Variants in SLC9C2 observed in about 807,000 individuals in gnomAD.
The protein encoded by SLC9C2 is sodium/hydrogen exchanger 11.
In SLC9C2, 75 loss-of-function variants were observed where a neutral mutation model predicts 140.2. That is an observed-to-expected ratio of 0.53 (90% CI 0.44 to 0.65). The LOEUF (loss-of-function observed/expected upper bound fraction) is 0.65. Ranked by LOEUF, SLC9C2 falls within the 30% of genes least tolerant of loss-of-function variation. SLC9C2 has a pLI of 0.00. For synonymous variants in SLC9C2, 375 were observed against 420.9 expected (o/e 0.89, Z 1.34); for missense variants, 1,074 against 1,331.8 (o/e 0.81, Z 3.01).
chr1:173,578,835 T>C (rs1462146313), intron 7 of SLC9C2, among the ~76,000 whole-genome samples: 1 of 152,252 alleles, frequency 6.6e-6, no homozygotes, highest in Non-Finnish European at 1.5e-5. Flanking sequence ...ACAGTCATAC[T>C]GGATTAGGAC....
At chr1:173,597,812 G>T in intron 4 of SLC9C2, 92 bp downstream of exon 4, 3 of 1,237,018 alleles carry the variant, frequency 2.4e-6, no homozygotes, top group Middle Eastern at 4.1e-4. Flanking sequence ...ATGACATTTT[G>T]TGAATTATTA....
intron 6 of SLC9C2, 24 bp downstream of exon 6, chr1:173,583,482 T>G: frequency 7.7e-7 from 1 of 1,297,458 alleles, no homozygotes; most frequent in Non-Finnish European, 1.1e-6. Context: ...TTTTAGAAAA[T>G]ATACAGACAA....
chr1:173,597,836 G>C (rs1407292619), intron 4 of SLC9C2, 68 bp downstream of exon 4: 37 of 1,402,686 alleles, frequency 2.6e-5, no homozygotes, highest in Non-Finnish European at 3.4e-5. Context: ...ATCTATATAG[G>C]CAGCCATATT....
intron 26 of SLC9C2, among the ~76,000 whole-genome samples, chr1:173,504,356 G>C (rs1659481641): frequency 6.6e-6 from 1 of 152,126 alleles, no homozygotes; most frequent in Admixed American, 6.5e-5. Flanking sequence ...ATTGGCACTT[G>C]GCACAGTACC....
chr1:173,587,907 G>T, intron 4 of SLC9C2, 77 bp from the exon 5 acceptor site: 1 of 1,143,914 alleles, frequency 8.7e-7, no homozygotes, highest in Non-Finnish European at 1.2e-6. Context: ...TATCCTAAGA[G>T]TCAGATCTTG....
At chr1:173,593,726 C>T (rs79491808) in intron 4 of SLC9C2, among the ~76,000 whole-genome samples, 12,012 of 151,986 alleles carry the variant, frequency 0.079, 721 homozygotes, top group East Asian at 0.32. Flanking sequence ...GGGCTGTTAC[C>T]CTAATTTTAG....
At chr1:173,507,185 A>G (rs1207481394) in intron 24 of SLC9C2, 144 bp from the exon 25 acceptor site, 1 of 664,338 alleles carries the variant, frequency 1.5e-6, no homozygotes, top group Non-Finnish European at 2.5e-6. Context: ...GGATTTATTT[A>G]GCATTCAGAA....
At chr1:173,533,303 A>G (rs1243213056) in intron 17 of SLC9C2, among the ~76,000 whole-genome samples, 1 of 152,144 alleles carries the variant, frequency 6.6e-6, no homozygotes, top group Non-Finnish European at 1.5e-5. Flanking sequence ...CTGTCACCAG[A>G]GCCATCATTG....
intron 27 of SLC9C2, 35 bp downstream of exon 27, chr1:173,503,231 A>C (rs369555968): frequency 1.9e-6 from 3 of 1,579,002 alleles, no homozygotes; most frequent in African/African-American, 1.4e-5. Context: ...ATTTGCAATA[A>C]GAAAAAATTC....
intron 8 of SLC9C2, among the ~76,000 whole-genome samples, chr1:173,574,072 T>A (rs1251336476): frequency 2.6e-5 from 4 of 152,204 alleles, no homozygotes; most frequent in Admixed American, 6.5e-5. Context: ...GGCTGAGGCC[T>A]CAGTAGAGTA....
chr1:173,561,233 C>A (rs1484058228), intron 9 of SLC9C2, among the ~76,000 whole-genome samples: 1 of 152,070 alleles, frequency 6.6e-6, no homozygotes, highest in Non-Finnish European at 1.5e-5. Context: ...TCTCTGTGAA[C>A]CTTGAGACTT....
chr1:173,534,737 A>C (rs1040267575), intron 15 of SLC9C2, 55 bp from the exon 16 acceptor site: 2 of 1,283,216 alleles, frequency 1.6e-6, no homozygotes, highest in Non-Finnish European at 1.0e-6. Context: ...TTAGCAGCTG[A>C]AGTTCAATAT....
intron 15 of SLC9C2, 43 bp from the exon 16 acceptor site, chr1:173,534,725 A>T (rs10798285): frequency 7.5e-7 from 1 of 1,329,698 alleles, no homozygotes; most frequent in South Asian, 1.6e-5. Flanking sequence ...TTAAAAGTAT[A>T]ATTAGCAGCT....
intron 9 of SLC9C2, among the ~76,000 whole-genome samples, chr1:173,570,052 C>T (rs563093335): frequency 1.3e-5 from 2 of 152,232 alleles, no homozygotes; most frequent in South Asian, 2.1e-4. Context: ...TGGGACTCAC[C>T]CTTCAGGGCA....
At chr1:173,517,507 T>C (rs1179858861) in intron 23 of SLC9C2, 30 bp downstream of exon 23, 1 of 1,532,846 alleles carries the variant, frequency 6.5e-7, no homozygotes, top group East Asian at 2.4e-5. Context: ...GAAGAATAAT[T>C]AATAACTCAT....
chr1:173,599,052 G>C (rs151338446), intron 3 of SLC9C2, among the ~76,000 whole-genome samples: 86 of 152,302 alleles, frequency 5.6e-4, no homozygotes, highest in African/African-American at 1.9e-3. Flanking sequence ...GTTTTACATT[G>C]AATCTGGCAG....
chr1:173,561,968 A>G (rs1358108969), intron 9 of SLC9C2, among the ~76,000 whole-genome samples: 7 of 152,080 alleles, frequency 4.6e-5, no homozygotes, highest in African/African-American at 1.7e-4. Flanking sequence ...TTATATGTAA[A>G]CTAAATCCAC....
chr1:173,555,709 C>A (rs991265223), intron 10 of SLC9C2, among the ~76,000 whole-genome samples: 3 of 152,174 alleles, frequency 2.0e-5, no homozygotes, highest in African/African-American at 7.2e-5. Context: ...GAACCAAAGT[C>A]TTTGCAAAAC....
rs1232362659 is a variant in SLC9C2, at chr1:173,513,813, C to T, written c.2907+3724G>A. Among the ~76,000 whole-genome samples, 6 of 146,408 alleles carry T rather than the reference C, an allele frequency of 4.1e-5. No individual in the cohort carries two copies. The East Asian group carries it at 1.2e-3, about 30-fold the overall frequency. On this transcript the variant is annotated intron_variant, in intron 23 of 27. Transcript: ENST00000367714. Reference sequence around the variant, plus strand: ...TTAGTGCTATAAATTTACCTCTTAACACTGCTTTAGCTGTGTCCCAGAGAT... The same window carrying T: ...TTAGTGCTATAAATTTACCTCTTAATACTGCTTTAGCTGTGTCCCAGAGAT...
Sources: allele counts gnomAD v4.1 joint callset (sites outside exome capture counted in the v4.1 genomes callset), GRCh38; gene constraint gnomAD v4.1.1; transcripts MANE v1.5; gene names NCBI Gene and HGNC (gene_info 2026-07-23, HGNC 2026-07-21).